Variants in TAF4B observed in about 807,000 individuals in gnomAD.
TAF4B encodes transcription initiation factor TFIID subunit 4B.
A neutral mutation model predicts 86.4 loss-of-function variants in TAF4B; 38 were observed. The observed-to-expected ratio is 0.44, with a 90% CI of 0.34 to 0.58. The LOEUF (loss-of-function observed/expected upper bound fraction) is 0.58, where lower values mean the gene tolerates loss of function less well. TAF4B is among the 20% of genes least tolerant of loss of function. The pLI is 0.02. For missense variants in TAF4B, 988 were observed against 1,027.6 expected, an observed-to-expected ratio of 0.96 and a Z score of 0.53; for synonymous variants, 388 against 391.2, an observed-to-expected ratio of 0.99 and a Z score of 0.10.
At chr18:26,381,248 C>A (rs1484852616) in intron 14 of TAF4B, among the ~76,000 whole-genome samples, 2 of 151,732 alleles carry the variant, frequency 1.3e-5, no homozygotes, top group Admixed American at 1.3e-4. Flanking sequence ...CTCCTGGGCT[C>A]AAGGGACCTG....
At chr18:26,356,856 A>G (rs534663829) in intron 13 of TAF4B, among the ~76,000 whole-genome samples, 4 of 150,452 alleles carry the variant, frequency 2.7e-5, no homozygotes, top group South Asian at 2.1e-4. Flanking sequence ...GAAATAATGC[A>G]GTTTCTGCCT....
At chr18:26,309,088 G>A (rs1021312028) in intron 9 of TAF4B, among the ~76,000 whole-genome samples, 1 of 151,614 alleles carries the variant, frequency 6.6e-6, no homozygotes, top group Non-Finnish European at 1.5e-5. Flanking sequence ...GATTGGGTAT[G>A]GCAGGAACTT....
At chr18:26,229,234 A>C (rs957348763) in intron 1 of TAF4B, among the ~76,000 whole-genome samples, 1 of 152,166 alleles carries the variant, frequency 6.6e-6, no homozygotes, top group Admixed American at 6.5e-5. Context: ...ATTGCATGCT[A>C]TTTACCTCTG....
intron 6 of TAF4B, among the ~76,000 whole-genome samples, chr18:26,283,237 A>G (rs1365910808): frequency 6.6e-6 from 1 of 152,202 alleles, no homozygotes; most frequent in Non-Finnish European, 1.5e-5. Flanking sequence ...TGTCTATGGC[A>G]GCCGTAGTCT....
At position 26,390,577 on chromosome 18, in the gene TAF4B, C is replaced by T. The variant is rs1337977193; in HGVS notation, c.*565C>T. The T allele has an allele frequency of 1.3e-5, 2 of 152,226 alleles. No homozygotes were observed. The highest frequency in any genetic ancestry group is 2.9e-5 in the Non-Finnish European group (2 of 68,070). 9.4% of individuals were successfully genotyped at this position (152,226 alleles called of 1,614,324 possible). On this transcript the variant is annotated 3_prime_UTR_variant, in exon 15 of 15. Coordinates refer to ENST00000269142, the MANE Select transcript of TAF4B (RefSeq NM_005640.3). ...CAAGACAAATGGGGATAGATTGTGC[C>T]TGGGGTTGCTAATTCTCTGCTTCAT...
intron 13 of TAF4B, among the ~76,000 whole-genome samples, chr18:26,344,288 G>A (rs1355689050): frequency 6.6e-6 from 1 of 150,730 alleles, no homozygotes; most frequent in Non-Finnish European, 1.5e-5. Context: ...ACTGAAGAAA[G>A]GGACACATCA....
chr18:26,272,049 G>C (rs2144557853), intron 3 of TAF4B, among the ~76,000 whole-genome samples: 1 of 151,484 alleles, frequency 6.6e-6, no homozygotes, highest in South Asian at 2.1e-4. Context: ...CTCACAAATT[G>C]AATCTCGGGT....
intron 9 of TAF4B, among the ~76,000 whole-genome samples, chr18:26,305,127 A>G (rs1177244855): frequency 6.6e-6 from 1 of 152,156 alleles, no homozygotes; most frequent in Non-Finnish European, 1.5e-5. Flanking sequence ...ATCCTTTCGT[A>G]TTATGAGCCC....
intron 14 of TAF4B, among the ~76,000 whole-genome samples, 164 bp downstream of exon 14, chr18:26,357,958 T>C (rs1324798155): frequency 2.0e-5 from 3 of 152,244 alleles, no homozygotes; most frequent in African/African-American, 7.2e-5. Context: ...TTGCCAGGTT[T>C]TAAAGATGTT....
intron 9 of TAF4B, among the ~76,000 whole-genome samples, chr18:26,308,821 G>A (rs1472319651): frequency 7.0e-6 from 1 of 142,656 alleles, no homozygotes; most frequent in Non-Finnish European, 1.5e-5. Flanking sequence ...GCAGTGAGCC[G>A]AGACTGTGCC....
At chr18:26,345,379 C>T (rs111813325) in intron 13 of TAF4B, among the ~76,000 whole-genome samples, 183 of 152,322 alleles carry the variant, frequency 1.2e-3, no homozygotes, top group African/African-American at 4.1e-3. Context: ...GCAGGCATGT[C>T]CTCGGGCCGG....
chr18:26,285,210 C>CTTTT (rs113394710), intron 6 of TAF4B, among the ~76,000 whole-genome samples: 1 of 42,512 alleles, frequency 2.4e-5, no homozygotes, highest in African/African-American at 8.0e-5. Flanking sequence ...TCTTCCTTTC[C>CTTTT]TTTTTTTTTT....
At chr18:26,346,514 A>C (rs1598815654) in intron 13 of TAF4B, among the ~76,000 whole-genome samples, 1 of 151,860 alleles carries the variant, frequency 6.6e-6, no homozygotes, top group East Asian at 1.9e-4. Context: ...GAAGAACCCC[A>C]AGTAGATTCA....
intron 14 of TAF4B, among the ~76,000 whole-genome samples, chr18:26,374,156 T>C (rs548957179): frequency 9.8e-5 from 15 of 152,316 alleles, no homozygotes; most frequent in African/African-American, 3.4e-4. Flanking sequence ...CCAGGGCAAA[T>C]TGTGTGTTAA....
intron 1 of TAF4B, among the ~76,000 whole-genome samples, chr18:26,262,599 T>C (rs761749278): frequency 6.6e-6 from 1 of 151,974 alleles, no homozygotes; most frequent in South Asian, 2.1e-4. Flanking sequence ...TTCAGCCTCC[T>C]GAGTTACTAC....
chr18:26,253,631 C>T (rs1000823208), intron 1 of TAF4B, among the ~76,000 whole-genome samples: 1 of 152,032 alleles, frequency 6.6e-6, no homozygotes, highest in Non-Finnish European at 1.5e-5. Flanking sequence ...TTTTGGAATA[C>T]TTTGTGAAGG....
rs934682686 is a variant in TAF4B, at chr18:26,391,629, T to G, written c.*1617T>G. ...ACTCATTTGTGTATAATCTTACTGA[T>G]CAGATGTTTAAAATTATTCCAAATA... On this transcript the variant is annotated 3_prime_UTR_variant, in exon 15 of 15. Transcript: ENST00000269142. The G allele has an allele frequency of 6.6e-5, 10 of 152,302 alleles. No homozygotes were observed. Among genetic ancestry groups the G allele is most frequent in the Middle Eastern group, 3.4e-3 (1 of 292 alleles). The allele number at this position is 152,302 out of a possible 1,614,324, so 9.4% of individuals were successfully genotyped here.
chr18:26,295,461 A>G (rs1200143947), intron 9 of TAF4B: 1 of 176,468 alleles, frequency 5.7e-6, no homozygotes, highest in Non-Finnish European at 1.2e-5. Flanking sequence ...TATAAGGAGC[A>G]CACAACCTAG....
At chr18:26,304,835 A>G in intron 9 of TAF4B, 4 of 985,396 alleles carry the variant, frequency 4.1e-6, no homozygotes, top group Non-Finnish European at 1.2e-6. Flanking sequence ...CAGTAAATCT[A>G]GTCCACTTAC....
Sources: gnomAD v4.1 joint callset for allele counts (sites outside exome capture counted in the v4.1 genomes callset) on GRCh38, gnomAD v4.1.1 for gene constraint, MANE v1.5 for transcripts, NCBI Gene and HGNC (gene_info 2026-07-23, HGNC 2026-07-21) for gene names.